Variants in PTPRN2 observed in about 807,000 individuals in gnomAD.
The protein encoded by PTPRN2 is protein tyrosine phosphatase receptor type N2, also known as receptor-type tyrosine-protein phosphatase N2.
In PTPRN2, 74 loss-of-function variants were observed where a neutral mutation model predicts 118.8. The observed-to-expected ratio is 0.62, with a 90% CI of 0.52 to 0.76. The LOEUF (loss-of-function observed/expected upper bound fraction) is 0.76. Among genes scored for constraint, PTPRN2 ranks in the 30% least tolerant of loss-of-function variants. The pLI is 0.00. For missense variants in PTPRN2, 1,481 were observed against 1,394.4 expected (o/e 1.06, Z -0.99); for synonymous variants, 641 against 608.0 (o/e 1.05, Z -0.80).
intron 12 of PTPRN2, among the ~76,000 whole-genome samples, chr7:157,717,794 C>G (rs1214963409): frequency 6.6e-6 from 1 of 152,274 alleles, no homozygotes; most frequent in Non-Finnish European, 1.5e-5. Flanking sequence ...TACACCTGTT[C>G]TGAAGCCTTC....
chr7:158,194,190 G>T (rs1341359681), intron 4 of PTPRN2, among the ~76,000 whole-genome samples: 3 of 152,214 alleles, frequency 2.0e-5, no homozygotes, highest in Non-Finnish European at 4.4e-5. Context: ...GTGTGCGTTT[G>T]TCTGTGTATG....
Position 158,060,280 on chromosome 7 carries a change from A to G in PTPRN2, c.1723+21018T>C, listed in dbSNP as rs10267866. Reference sequence around the variant, plus strand: ...CTGCAGCCACACTCCATCTGCACACAGTGACACATCACTGCAGCCACGCTC... The same window carrying G: ...CTGCAGCCACACTCCATCTGCACACGGTGACACATCACTGCAGCCACGCTC... On this transcript the variant is annotated intron_variant, in intron 11 of 22. Coordinates refer to ENST00000389418, the MANE Select transcript of PTPRN2 (RefSeq NM_002847.5). Among the ~76,000 whole-genome samples the G allele has an allele frequency of 7.7e-3, 499 of 65,202 alleles. 6 individuals are homozygous for G. The highest frequency in any genetic ancestry group is 0.027 in the Middle Eastern group (2 of 74). The allele number at this position is 65,202 out of a possible 152,430, so 42.8% of individuals were successfully genotyped here.
intron 12 of PTPRN2, among the ~76,000 whole-genome samples, chr7:157,882,591 C>G (rs149252358): frequency 6.9e-6 from 1 of 145,542 alleles, no homozygotes; most frequent in Admixed American, 6.9e-5. Context: ...AAATGACTGT[C>G]GAAGACCAGA....
chr7:157,825,724 C>T (rs926869764), intron 12 of PTPRN2, among the ~76,000 whole-genome samples: 17 of 152,172 alleles, frequency 1.1e-4, no homozygotes, highest in African/African-American at 2.4e-4. Context: ...AGACCTCAGG[C>T]GCCTTCTCTG....
rs567081261 is a variant in PTPRN2 at position 157,583,215 on chromosome 7, C to A, written c.2497-5075G>T. Among the ~76,000 whole-genome samples the A allele has an allele frequency of 6.6e-6, 1 of 152,020 alleles. No individual in the cohort carries two copies. The highest frequency in any genetic ancestry group is 2.4e-5 in the African/African-American group (1 of 41,378). ...GACACGACGTTAAATTGAAATAAGC[C>A]GGACACAGAAGGACAGGCACCCCAT... On this transcript the variant is annotated intron_variant, in intron 17 of 22. Coordinates refer to ENST00000389418, the MANE Select transcript of PTPRN2 (RefSeq NM_002847.5). This position sits in a 1 kb window ranked among gnomAD's most constrained non-coding sequence, Gnocchi z 5.5.
At chr7:158,147,275 G>A (rs1324828757) in intron 6 of PTPRN2, among the ~76,000 whole-genome samples, 12 of 106,016 alleles carry the variant, frequency 1.1e-4, no homozygotes, top group African/African-American at 4.2e-4. Flanking sequence ...CCCATCTCAC[G>A]CCACGTGTCT....
chr7:157,796,236 G>A (rs1384407175), intron 12 of PTPRN2, among the ~76,000 whole-genome samples: 1 of 152,236 alleles, frequency 6.6e-6, no homozygotes, highest in Non-Finnish European at 1.5e-5. Flanking sequence ...ATTGATGCGA[G>A]GACTTGTGGC....
At chr7:158,471,463 G>A (rs1205571692) in intron 2 of PTPRN2, among the ~76,000 whole-genome samples, 1 of 152,212 alleles carries the variant, frequency 6.6e-6, no homozygotes, top group African/African-American at 2.4e-5. Flanking sequence ...GCCGACGCGG[G>A]TGGATCACAA....
At chr7:158,400,192 G>T (rs1812827881) in intron 2 of PTPRN2, among the ~76,000 whole-genome samples, 1 of 152,086 alleles carries the variant, frequency 6.6e-6, no homozygotes, top group African/African-American at 2.4e-5. Context: ...CAAACATCAA[G>T]AATTTTGCCA....
At chr7:157,954,930 G>C (rs2128805011) in intron 11 of PTPRN2, among the ~76,000 whole-genome samples, 1 of 152,302 alleles carries the variant, frequency 6.6e-6, no homozygotes, top group African/African-American at 2.4e-5. Context: ...CGAAATACTA[G>C]ACTTAAAATT....
intron 2 of PTPRN2, among the ~76,000 whole-genome samples, chr7:158,367,466 T>C (rs1809627890): frequency 2.6e-5 from 4 of 152,156 alleles, no homozygotes; most frequent in Admixed American, 2.6e-4. Flanking sequence ...GAGGACGCAG[T>C]GGTTCACAGG....
At chr7:158,123,549 C>T (rs1352397673) in intron 9 of PTPRN2, among the ~76,000 whole-genome samples, 1 of 152,172 alleles carries the variant, frequency 6.6e-6, no homozygotes. Context: ...TGCGGACCGC[C>T]ATGCAGCCCC....
intron 2 of PTPRN2, among the ~76,000 whole-genome samples, chr7:158,459,519 G>A (rs1042040175): frequency 3.3e-5 from 5 of 152,140 alleles, no homozygotes; most frequent in African/African-American, 4.8e-5. Context: ...ATACTGAGCC[G>A]CAAACCCATG....
At chr7:157,775,955 A>C (rs1180657216) in intron 12 of PTPRN2, among the ~76,000 whole-genome samples, 1 of 151,930 alleles carries the variant, frequency 6.6e-6, no homozygotes, top group Non-Finnish European at 1.5e-5. Flanking sequence ...GCAGACTCAG[A>C]GGTGTGCATA....
chr7:157,728,103 G>C (rs1282228389), intron 12 of PTPRN2, among the ~76,000 whole-genome samples: 1 of 152,184 alleles, frequency 6.6e-6, no homozygotes, highest in African/African-American at 2.4e-5. Flanking sequence ...TACCCAGCGA[G>C]GGTCTGGCAA....
intron 3 of PTPRN2, among the ~76,000 whole-genome samples, chr7:158,246,035 A>G (rs1324358470): frequency 6.6e-6 from 1 of 152,012 alleles, no homozygotes; most frequent in Non-Finnish European, 1.5e-5. Context: ...CTGCGACAAT[A>G]AACACCGCAT....
At chr7:158,070,360 CCTG>C (rs1811141616) in intron 11 of PTPRN2, among the ~76,000 whole-genome samples, 1 of 115,052 alleles carries the variant, frequency 8.7e-6, no homozygotes, top group Non-Finnish European at 1.7e-5. Flanking sequence ...TGGAGGTGCC[CCTG>C]GTGGTGGAGG....
chr7:157,808,889 C>T lies in PTPRN2; in HGVS notation c.1788+89784G>A, dbSNP rs949214784. ...TTGTTGCCTTGGACGATTCACATTT[C>T]ACATGGTCAGTCCCTGCAGCACCTC... On this transcript the variant is annotated intron_variant, in intron 12 of 22. Coordinates refer to ENST00000389418, the MANE Select transcript of PTPRN2 (RefSeq NM_002847.5). This position sits in a 1 kb window ranked among gnomAD's most constrained non-coding sequence, Gnocchi z 5.0. Among the ~76,000 whole-genome samples, 2 of 152,188 alleles carry T rather than the reference C, an allele frequency of 1.3e-5. No homozygotes were observed. The highest frequency in any genetic ancestry group is 2.4e-5 in the African/African-American group (1 of 41,444).
intron 3 of PTPRN2, among the ~76,000 whole-genome samples, chr7:158,310,994 G>A (rs1243195150): frequency 6.6e-6 from 1 of 152,238 alleles, no homozygotes; most frequent in Non-Finnish European, 1.5e-5. Flanking sequence ...CTGCCTGGAG[G>A]TCGGGTAGGG....
Sources: gnomAD v4.1 joint callset for allele counts (sites outside exome capture counted in the v4.1 genomes callset) on GRCh38, gnomAD v4.1.1 for gene constraint, Gnocchi (gnomAD v3.1) non-coding constraint, MANE v1.5 for transcripts, NCBI Gene and HGNC (gene_info 2026-07-23, HGNC 2026-07-21) for gene names.